Variants in PLPBP observed in about 807,000 individuals in gnomAD.
PLPBP encodes pyridoxal phosphate homeostasis protein.
A neutral mutation model predicts 31.2 loss-of-function variants in PLPBP; 21 were observed. The ratio of observed to expected loss-of-function variants is 0.67; its 90% CI spans 0.48 to 0.97. PLPBP has a LOEUF of 0.97. Ranked by LOEUF, PLPBP falls within the 50% of genes least tolerant of loss-of-function variation. PLPBP has a pLI of 0.00. For synonymous variants in PLPBP, 124 were observed against 135.6 expected (o/e 0.91, Z 0.59); for missense variants, 308 against 354.4 (o/e 0.87, Z 1.05).
chr8:37,765,854 CT>C, intron 3 of PLPBP, 108 bp downstream of exon 3: 2 of 1,195,146 alleles, frequency 1.7e-6, no homozygotes. Flanking sequence ...GGGTGGTTGA[CT>C]TTAGATTGGG....
chr8:37,767,738 T>C (rs1429094603), intron 4 of PLPBP, among the ~76,000 whole-genome samples: 1 of 152,016 alleles, frequency 6.6e-6, no homozygotes, highest in Non-Finnish European at 1.5e-5. Context: ...AAGTGTTATG[T>C]TTAACTTTTT....
chr8:37,765,572 A>C lies in PLPBP; in HGVS notation c.146A>C (p.Lys49Thr). Residue 49 changes from lysine (K) to threonine (T), a missense_variant, in exon 2 of 8, where the codon AAA becomes ACA. By Grantham distance (78) the Lys-to-Thr change is moderately conservative. Coordinates refer to ENST00000328195, the MANE Select transcript of PLPBP (RefSeq NM_007198.4). ...QPRLVAVSKT[K>T]PADMVIEAYG... is the part of the protein sequence containing the mutation. ...CGGCTAGTGGCGGTCAGCAAAACCA[A>C]ACCTGCAGACATGGTGATCGAGGCC... The C allele has an allele frequency of 6.2e-7, 1 of 1,614,040 alleles. No homozygotes were observed. The highest frequency in any genetic ancestry group is 1.1e-5 in the South Asian group (1 of 91,076).
At position 37,762,696 on chromosome 8, in the gene PLPBP, G is replaced by A. The variant is rs867661748; in HGVS notation, c.37G>A (p.Val13Ile). 3 of 1,591,052 alleles carry A rather than the reference G, an allele frequency of 1.9e-6. No individual in the cohort carries two copies. The highest frequency in any genetic ancestry group is 3.5e-5 in the Admixed American group (2 of 56,780). ...TGGCAGCATGTCGGCCGAGCTGGGA[G>A]TCGGGTGCGCATTGCGGGCGGTGAA... The part of the protein sequence containing the change: ...RAGSMSAELG[V>I]GCALRAVNER... The change falls in exon 1 of 8, where the codon GTC becomes ATC. Residue 13 changes from valine (V) to isoleucine (I), a missense_variant. By Grantham distance (29) the Val-to-Ile change is conservative (BLOSUM62 3). This residue lies in a region of PLPBP where 120 missense variants were observed against 95.1 expected (regional missense o/e 1.26). Transcript: ENST00000328195.
rs367650929 is a variant in PLPBP, at chr8:37,768,846, T to C, written c.319+2491T>C. Among the ~76,000 whole-genome samples the C allele has an allele frequency of 1.3e-3, 202 of 152,320 alleles. 6 individuals are homozygous for C. The South Asian group carries it at 0.039, about 29-fold the overall frequency. ...CTTATTGGCCATTTTTATGTCTTCTTTGGAAAAATGTCTAGTCAGTCCTCT... is the reference window on the plus strand; with the variant it reads ...CTTATTGGCCATTTTTATGTCTTCTCTGGAAAAATGTCTAGTCAGTCCTCT... On this transcript the variant is annotated intron_variant, in intron 4 of 7. Transcript: ENST00000328195.
Position 37,762,746 on chromosome 8 carries a change from G to T in PLPBP, c.87G>T (p.Ala29=), listed in dbSNP as rs764545438. 3.2e-6 allele frequency: 5 copies of T among 1,568,216 alleles called. No homozygotes were observed. The highest frequency in any genetic ancestry group is 4.3e-6 in the Non-Finnish European group (5 of 1,163,796). ...ACGAGCGCGTGCAGCAGGCTGTGGC[G>T]CGGCGGCCGCGGGTGAGGAAGGAGG... ...AVNERVQQAV[A]RRPRDLPAIQ... The change falls in exon 1 of 8, where the codon GCG becomes GCT. Residue 29 remains alanine (A), a synonymous_variant. Transcript: ENST00000328195.
chr8:37,762,835 C>T (rs1803515950), intron 1 of PLPBP, 77 bp downstream of exon 1: 3 of 1,495,118 alleles, frequency 2.0e-6, no homozygotes, highest in Admixed American at 4.1e-5. Context: ...TGGGTCGTCA[C>T]GGTGACGCAG....
chr8:37,777,907 C>T, intron 7 of PLPBP, 66 bp from the exon 8 acceptor site: 1 of 1,528,560 alleles, frequency 6.5e-7, no homozygotes, highest in Non-Finnish European at 8.9e-7. Context: ...GGGGGCACAG[C>T]TTCAGCACTG....
chr8:37,772,913 AG>A, intron 5 of PLPBP, 24 bp downstream of exon 5: 1 of 1,613,542 alleles, frequency 6.2e-7, no homozygotes, highest in African/African-American at 1.3e-5. Flanking sequence ...CCTGAATTGT[AG>A]ATTTTTCTTC....
At chr8:37,767,297 A>G (rs1416027381) in intron 4 of PLPBP, among the ~76,000 whole-genome samples, 1 of 152,188 alleles carries the variant, frequency 6.6e-6, no homozygotes, top group Non-Finnish European at 1.5e-5. Flanking sequence ...GAGCATATCT[A>G]TCACCCCTAA....
intron 1 of PLPBP, among the ~76,000 whole-genome samples, chr8:37,765,188 G>A (rs986722020): frequency 2.0e-5 from 3 of 152,062 alleles, no homozygotes; most frequent in Non-Finnish European, 2.9e-5. Context: ...CAAAAAAAAA[G>A]GAAATTCTCA....
intron 7 of PLPBP, 76 bp downstream of exon 7, chr8:37,776,092 T>A: frequency 7.2e-7 from 1 of 1,385,200 alleles, no homozygotes; most frequent in Non-Finnish European, 1.0e-6. Flanking sequence ...CAAGAGCAGA[T>A]CTTTGCTGTA....
Position 37,775,352 on chromosome 8 carries a change from T to C in PLPBP, c.468T>C (p.Leu156=), listed in dbSNP as rs137861716. Residue 156 remains leucine, a synonymous_variant, in exon 6 of 8, where the codon CTT becomes CTC. Transcript: ENST00000328195. ...CTTTTCTTGAAGGTAAACATGGCCTTCCACCTTCAGAGACCATAGCCATCG... is the reference window on the plus strand; with the variant it reads ...CTTTTCTTGAAGGTAAACATGGCCTCCCACCTTCAGAGACCATAGCCATCG... ...NTSGEESKHG[L]PPSETIAIVE... is the part of the protein sequence containing the mutation. 127 of 1,614,234 alleles carry C rather than the reference T, an allele frequency of 7.9e-5. 1 individual carries two copies. The African/African-American group carries it at 1.3e-3, about 17-fold the overall frequency.
At chr8:37,766,620 A>G (rs1803637125) in intron 4 of PLPBP, 1 of 1,094,928 alleles carries the variant, frequency 9.1e-7, no homozygotes, top group African/African-American at 1.6e-5. Flanking sequence ...GAAAAATTAT[A>G]AAGAATTGTA....
At chr8:37,762,576 A>G (rs1156651312), upstream of PLPBP, 19 of 1,508,112 alleles carry the variant, frequency 1.3e-5, no homozygotes, top group African/African-American at 2.8e-5. Context: ...TGATTGGTTC[A>G]CACGGCGCAA....
chr8:37,772,799 T>C lies in PLPBP; in HGVS notation c.364T>C (p.Leu122=). ...GCTGGAAACAGTGGATTCTGTGAAG[T>C]TGGCAGACAAAGTGAACAGTTCCTG... ...FMLETVDSVK[L]ADKVNSSWQR... The change falls in exon 5 of 8, where the codon TTG becomes CTG. Residue 122 remains leucine, a synonymous_variant. Coordinates refer to ENST00000328195, the MANE Select transcript of PLPBP (RefSeq NM_007198.4). 1 of 1,614,208 alleles carries C rather than the reference T, an allele frequency of 6.2e-7. No individual in the cohort carries two copies. Among genetic ancestry groups the C allele is most frequent in the Non-Finnish European group, 8.5e-7 (1 of 1,180,028 alleles).
chr8:37,771,837 G>A (rs1306710007), intron 4 of PLPBP, among the ~76,000 whole-genome samples: 1 of 152,112 alleles, frequency 6.6e-6, no homozygotes, highest in Non-Finnish European at 1.5e-5. Flanking sequence ...GTGGGTGCCT[G>A]TAATCTCAGC....
At chr8:37,765,198 AC>A (rs1803591881) in intron 1 of PLPBP, among the ~76,000 whole-genome samples, 1 of 152,184 alleles carries the variant, frequency 6.6e-6, no homozygotes, top group South Asian at 2.1e-4. Flanking sequence ...GGAAATTCTC[AC>A]CCAGGTGATG....
At position 37,775,485 on chromosome 8, in the gene PLPBP, C is replaced by T. The variant is rs769416171; in HGVS notation, c.597+4C>T. On this transcript the variant is annotated splice_donor_region_variant and intron_variant, in intron 6 of 7. Transcript: ENST00000328195. ...AGGACCAAATCCAGACTTCCAGGTA[C>T]TGGGGGGTCGGGGAGATTGCTCGTG... 26 of 1,613,556 alleles carry T rather than the reference C, an allele frequency of 1.6e-5. No homozygotes were observed. Among genetic ancestry groups the T allele is most frequent in the Admixed American group, 8.3e-5 (5 of 59,996 alleles).
intron 6 of PLPBP, 38 bp downstream of exon 6, chr8:37,775,519 A>C: frequency 6.2e-7 from 1 of 1,612,004 alleles, no homozygotes; most frequent in Non-Finnish European, 8.5e-7. Flanking sequence ...TGTGCTAAAG[A>C]AGCAGGGTGC....
Sources: allele counts gnomAD v4.1 joint callset (sites outside exome capture counted in the v4.1 genomes callset), GRCh38; gene constraint gnomAD v4.1.1; regional missense constraint gnomAD v4.1.1; transcripts MANE v1.5; gene names NCBI Gene and HGNC (gene_info 2026-07-23, HGNC 2026-07-21).